PTPN2: variants seen among roughly 807,000 people sequenced by gnomAD.
PTPN2 encodes protein tyrosine phosphatase non-receptor type 2.
PTPN2 carries 19 observed loss-of-function variants against 57.3 expected under a neutral mutation model. The ratio of observed to expected loss-of-function variants is 0.33; its 90% CI spans 0.23 to 0.49. The LOEUF is 0.49. Ranked by LOEUF, PTPN2 falls within the 20% of genes least tolerant of loss-of-function variation. PTPN2 has a pLI of 0.99. For synonymous variants in PTPN2, 153 were observed against 164.9 expected (o/e 0.93, Z 0.55); for missense variants, 358 against 501.1 (o/e 0.71, Z 2.73).
intron 4 of PTPN2, 22 bp from the exon 5 acceptor site, chr18:12,825,966 T>A: frequency 6.4e-7 from 1 of 1,566,994 alleles, no homozygotes; most frequent in Non-Finnish European, 8.7e-7. Context: ...AATATGTATA[T>A]GATTTTTTTT....
intron 7 of PTPN2, among the ~76,000 whole-genome samples, chr18:12,813,838 T>C (rs976153111): frequency 6.6e-6 from 1 of 152,236 alleles, no homozygotes; most frequent in Non-Finnish European, 1.5e-5. Context: ...TTCAAGTTGC[T>C]TGTTGTTATA....
intron 2 of PTPN2, chr18:12,840,832 G>A (rs1308680626): frequency 6.3e-7 from 1 of 1,596,990 alleles, no homozygotes; most frequent in Admixed American, 1.7e-5. Context: ...TCTCCACTCA[G>A]GTGTGACTTC....
chr18:12,807,586 A>AAAAAAAAAAAAAAAAAAATATATATAT, intron 7 of PTPN2, among the ~76,000 whole-genome samples: 1 of 35,192 alleles, frequency 2.8e-5, no homozygotes, highest in Non-Finnish European at 6.1e-5. Flanking sequence ...AAAAAAAAAA[A>AAAAAAAAAAAAAAAAAAATATATATAT]ATATATATAT....
downstream of PTPN2, among the ~76,000 whole-genome samples, chr18:12,791,932 C>T (rs2040995387): frequency 6.6e-6 from 1 of 152,312 alleles, no homozygotes; most frequent in Middle Eastern, 3.4e-3. Context: ...TAAGGTCTAC[C>T]TGTATGTGAC....
At chr18:12,877,606 CTG>C (rs965539505) in intron 1 of PTPN2, among the ~76,000 whole-genome samples, 17 of 152,204 alleles carry the variant, frequency 1.1e-4, no homozygotes, top group African/African-American at 4.1e-4. Flanking sequence ...GGCTGCCCCG[CTG>C]TAAGTATGAG....
chr18:12,807,358 G>A (rs1458666816), intron 7 of PTPN2, among the ~76,000 whole-genome samples: 2 of 151,560 alleles, frequency 1.3e-5, no homozygotes, highest in Non-Finnish European at 2.9e-5. Context: ...AGCCATCTTG[G>A]AAAACAGCAT....
In PTPN2 at chr18:12,824,921, A is replaced by AT. The variant is rs962224726; in HGVS notation, c.495+888dup. 9.9e-5 allele frequency among the ~76,000 whole-genome samples: 15 copies of AT among 152,040 alleles called. No individual in the cohort carries two copies. In the South Asian group the frequency reaches 2.1e-3, roughly 21 times the overall value. The stretch of plus-strand genomic sequence containing the variant: ...GATAACAAGGCAAGACCCCATCTCT[A>AT]TTAAAAAAAAATAAGAAAATTAGGT... On this transcript the variant is annotated intron_variant, in intron 5 of 8. Coordinates refer to ENST00000309660, the MANE Select transcript of PTPN2 (RefSeq NM_002828.4).
chr18:12,818,103 T>C lies in PTPN2; in HGVS notation c.496-738A>G, dbSNP rs540101782. ...GTTGCAGTGAGCAGAGATCGTGCCA[T>C]TGCACGCCAGCTTGGGCAACAAGAG... On this transcript the variant is annotated intron_variant, in intron 5 of 8. Transcript: ENST00000309660. Among the ~76,000 whole-genome samples, 294 of 152,256 alleles carry C rather than the reference T, an allele frequency of 1.9e-3. 1 individual carries two copies. Among genetic ancestry groups the C allele is most frequent in the African/African-American group, 6.7e-3 (277 of 41,554 alleles).
chr18:12,850,128 CT>C lies in PTPN2; in HGVS notation c.160+9035del, dbSNP rs911438235. Among the ~76,000 whole-genome samples, 23 of 151,444 alleles carry C rather than the reference CT, an allele frequency of 1.5e-4. No homozygotes were observed. The South Asian group carries it at 2.9e-3, about 19-fold the overall frequency. ...CCTTTGTTGTTGTTACTTCTTTCTG[CT>C]TTTTTTTTCTCATTCTCTTATTTTT... On this transcript the variant is annotated intron_variant, in intron 2 of 8. Coordinates refer to ENST00000309660, the MANE Select transcript of PTPN2 (RefSeq NM_002828.4).
intron 1 of PTPN2, among the ~76,000 whole-genome samples, chr18:12,877,496 A>C (rs1030952335): frequency 6.6e-5 from 10 of 152,346 alleles, no homozygotes; most frequent in African/African-American, 2.4e-4. Flanking sequence ...TTGTGCAACC[A>C]TGTAAAAGCA....
chr18:12,843,216 C>G (rs1036407823), intron 2 of PTPN2, among the ~76,000 whole-genome samples: 4 of 152,110 alleles, frequency 2.6e-5, no homozygotes, highest in African/African-American at 9.7e-5. Context: ...CAGTCGCCGA[C>G]AGTCCTATGA....
chr18:12,857,995 T>A (rs1199357093), intron 2 of PTPN2, among the ~76,000 whole-genome samples: 2 of 152,212 alleles, frequency 1.3e-5, no homozygotes, highest in African/African-American at 2.4e-5. Flanking sequence ...AAGAAAAACA[T>A]TCTATTCATG....
At chr18:12,867,256 C>G (rs2044026466) in intron 1 of PTPN2, among the ~76,000 whole-genome samples, 1 of 151,394 alleles carries the variant, frequency 6.6e-6, no homozygotes, top group Admixed American at 6.6e-5. Context: ...GAGGTCAAGG[C>G]TGCAGTGAGC....
At chr18:12,870,271 A>ATGTG (rs1555679393) in intron 1 of PTPN2, among the ~76,000 whole-genome samples, 3 of 93,388 alleles carry the variant, frequency 3.2e-5, no homozygotes, top group African/African-American at 1.9e-4. Flanking sequence ...ATATATATAT[A>ATGTG]TGTATATATA....
At chr18:12,882,091 G>C (rs1028097548) in intron 1 of PTPN2, among the ~76,000 whole-genome samples, 1 of 152,150 alleles carries the variant, frequency 6.6e-6, no homozygotes, top group African/African-American at 2.4e-5. Context: ...CTGGGGGTCC[G>C]GGCATATTTG....
intron 2 of PTPN2, chr18:12,843,867 T>C (rs2043130440): frequency 6.6e-6 from 1 of 152,288 alleles, no homozygotes; most frequent in South Asian, 2.1e-4. Flanking sequence ...TATGCCATTT[T>C]ACCACAAACA....
At position 12,793,489 on chromosome 18, in the gene PTPN2, T is replaced by C. The variant is rs1024034833; in HGVS notation, c.*789A>G. The stretch of plus-strand genomic sequence containing the variant: ...TCTTGACCAACTGTTTACCTGACTA[T>C]CCCAGTAAGGAGAATTTTCCTTCAA... On this transcript the variant is annotated 3_prime_UTR_variant, in exon 9 of 9. Transcript: ENST00000309660. 31 of 978,478 alleles carry C rather than the reference T, an allele frequency of 3.2e-5. No individual in the cohort carries two copies. The highest frequency in any genetic ancestry group is 3.8e-5 in the Non-Finnish European group (31 of 823,098). The allele number at this position is 978,478 out of a possible 1,614,324, so 60.6% of individuals were successfully genotyped here. A position where few individuals can be genotyped will look rare whatever the true frequency, so the allele number is the denominator to read the frequency against.
chr18:12,839,269 T>C (rs1371241843), intron 2 of PTPN2, among the ~76,000 whole-genome samples: 1 of 152,188 alleles, frequency 6.6e-6, no homozygotes, highest in Non-Finnish European at 1.5e-5. Flanking sequence ...ATACACAGGT[T>C]CCCTTAACAA....
At chr18:12,817,412 T>C (rs2042114915) in intron 5 of PTPN2, 47 bp from the exon 6 acceptor site, 1 of 1,387,616 alleles carries the variant, frequency 7.2e-7, no homozygotes. Flanking sequence ...CTTTTTTCTT[T>C]TAAAAAACTA....
Sources: allele counts gnomAD v4.1 joint callset (sites outside exome capture counted in the v4.1 genomes callset), GRCh38; gene constraint gnomAD v4.1.1; transcripts MANE v1.5; gene names NCBI Gene and HGNC (gene_info 2026-07-23, HGNC 2026-07-21).